The following CELSR1 variants were observed in gnomAD, a reference collection of about 807,000 sequenced individuals.
The protein encoded by CELSR1 is cadherin EGF LAG seven-pass G-type receptor 1, also known as adhesion G protein-coupled receptor C1.
Under a neutral mutation model 249.1 loss-of-function variants are expected in CELSR1, and 110 were observed. The observed-to-expected ratio is 0.44, with a 90% CI of 0.38 to 0.52. CELSR1 has a LOEUF of 0.52. CELSR1 is among the 20% of genes least tolerant of loss of function. The pLI is 0.00. For synonymous variants in CELSR1, 2,113 were observed against 1,900.0 expected, an observed-to-expected ratio of 1.11 and a Z score of -2.92; for missense variants, 4,109 against 4,296.4, an observed-to-expected ratio of 0.96 and a Z score of 1.22.
At chr22:46,483,743 C>T (rs1443607990) in intron 1 of CELSR1, among the ~76,000 whole-genome samples, 1 of 152,088 alleles carries the variant, frequency 6.6e-6, no homozygotes, top group Non-Finnish European at 1.5e-5. Context: ...GGAACTGTGC[C>T]CAGGACACAC....
At chr22:46,385,877 C>T (rs1451078437) in intron 19 of CELSR1, among the ~76,000 whole-genome samples, 1 of 151,758 alleles carries the variant, frequency 6.6e-6, no homozygotes, top group Non-Finnish European at 1.5e-5. Flanking sequence ...CGGGGTTTCA[C>T]CATGTTAGCC....
At chr22:46,504,772 C>T (rs1004452315) in intron 1 of CELSR1, among the ~76,000 whole-genome samples, 8 of 152,130 alleles carry the variant, frequency 5.3e-5, no homozygotes, top group African/African-American at 1.2e-4. Context: ...GCAAATCCTC[C>T]GCACCAGTAA....
Position 46,391,582 on chromosome 22 carries a change from G to A in CELSR1, c.6148+51C>T, listed in dbSNP as rs761905398. The A allele has an allele frequency of 1.3e-6, 2 of 1,509,956 alleles. No individual in the cohort carries two copies. The highest frequency in any genetic ancestry group is 1.4e-5 in the African/African-American group (1 of 72,358). The allele number at this position is 1,509,956 out of a possible 1,614,324, so 93.5% of individuals were successfully genotyped here. A position where few individuals can be genotyped will look rare whatever the true frequency, so the allele number is the denominator to read the frequency against. On this transcript the variant is annotated intron_variant, in intron 15 of 34. Coordinates refer to ENST00000674500, the MANE Select transcript of CELSR1 (RefSeq NM_001378328.1). This position sits in a 1 kb window ranked among gnomAD's most constrained non-coding sequence, Gnocchi z 4.3. ...ATGCACACACGTGCACGCCAGTGCA[G>A]CAGCCTGTCCCCGCGCTGTAACCTG...
intron 1 of CELSR1, among the ~76,000 whole-genome samples, chr22:46,477,528 T>TTTTTTTG (rs2080222076): frequency 6.7e-6 from 1 of 150,006 alleles, no homozygotes; most frequent in Non-Finnish European, 1.5e-5. Flanking sequence ...TTTTTTTTTT[T>TTTTTTTG]GAGACGGAGT....
At position 46,364,743 on chromosome 22, in the gene CELSR1, C is replaced by T. The variant is rs775700319; in HGVS notation, c.8555-7G>A. The T allele has an allele frequency of 1.2e-6, 2 of 1,609,970 alleles. No individual in the cohort carries two copies. The highest frequency in any genetic ancestry group is 2.2e-5 in the East Asian group (1 of 44,862). On this transcript the variant is annotated splice_polypyrimidine_tract_variant and splice_region_variant and intron_variant, in intron 32 of 34. Coordinates refer to ENST00000674500, the MANE Select transcript of CELSR1 (RefSeq NM_001378328.1). The stretch of plus-strand genomic sequence containing the variant: ...TGGTTGGCCACAGCGTCCCCTGAGG[C>T]ACGAGAGCGGTGCTCAGCAGGCAGC...
chr22:46,487,011 G>A (rs1034417610), intron 1 of CELSR1, among the ~76,000 whole-genome samples: 21 of 145,474 alleles, frequency 1.4e-4, no homozygotes, highest in Admixed American at 9.1e-4. Flanking sequence ...GTCTGCTCCC[G>A]CCCCCTGCCC....
At chr22:46,416,108 G>GGGGGGGTGC (rs1215685608) in intron 5 of CELSR1, among the ~76,000 whole-genome samples, 1 of 127,570 alleles carries the variant, frequency 7.8e-6, no homozygotes, top group Non-Finnish European at 1.8e-5. Context: ...GTTGCAGAGG[G>GGGGGGGTGC]GGGCGGATAA....
In CELSR1 at chr22:46,534,334, G is replaced by A. The variant is rs373524629; in HGVS notation, c.2837C>T (p.Thr946Met). ...DGDGDFYIEP[T>M]SGVIRTQRRL... Reference sequence around the variant, plus strand: ...GCGCTGGGTGCGAATCACACCGGACGTGGGCTCGATGTAGAAGTCCCCATC... The same window carrying A: ...GCGCTGGGTGCGAATCACACCGGACATGGGCTCGATGTAGAAGTCCCCATC... The change falls in exon 1 of 35, where the codon ACG (threonine) becomes ATG (methionine). Residue 946 changes from threonine (T) to methionine (M), a missense_variant. Coordinates refer to ENST00000674500, the MANE Select transcript of CELSR1 (RefSeq NM_001378328.1). This position sits in a 1 kb window ranked among gnomAD's most constrained non-coding sequence, Gnocchi z 9.7. 1.1e-4 allele frequency: 180 copies of A among 1,612,888 alleles called. No individual in the cohort carries two copies. The highest frequency in any genetic ancestry group is 1.7e-4 in the African/African-American group (13 of 74,926).
rs190322662 is a variant in CELSR1, at chr22:46,401,004, A to G, written c.5227-1102T>C. On this transcript the variant is annotated intron_variant, in intron 9 of 34. Coordinates refer to ENST00000674500, the MANE Select transcript of CELSR1 (RefSeq NM_001378328.1). This position sits in a 1 kb window ranked among gnomAD's most constrained non-coding sequence, Gnocchi z 4.7. Reference sequence around the variant, plus strand: ...GTTCTTTGTTGCTGTTGCCTTTAACACTGATCAGAATTGCTTGTCTTATTC... The same window carrying G: ...GTTCTTTGTTGCTGTTGCCTTTAACGCTGATCAGAATTGCTTGTCTTATTC... Among the ~76,000 whole-genome samples the G allele has an allele frequency of 3.3e-4, 50 of 152,232 alleles. No homozygotes were observed. In the East Asian group the frequency reaches 8.3e-3, roughly 25 times the overall value.
rs751965651 is a variant in CELSR1, at chr22:46,534,095, G to A, written c.3076C>T (p.Pro1026Ser). The A allele has an allele frequency of 4.3e-6, 7 of 1,613,594 alleles. No individual in the cohort carries two copies. The highest frequency in any genetic ancestry group is 5.9e-6 in the Non-Finnish European group (7 of 1,180,038). Residue 1026 changes from proline to serine, a missense_variant, in exon 1 of 35, where the codon CCT becomes TCT. Pro to Ser is a moderately conservative substitution (Grantham distance 74, BLOSUM62 -1). Coordinates refer to ENST00000674500, the MANE Select transcript of CELSR1 (RefSeq NM_001378328.1). The surrounding 1 kb of genome is among the most constrained non-coding windows in gnomAD (Gnocchi z 9.7). ...SVVAKIRAND[P>S]DEGPNAQIMY... ...ATCTGGGCATTAGGGCCTTCATCAG[G>A]GTCGTTAGCACGAATCTTTGCCACC... is the stretch of plus-strand genomic sequence containing the variant.
At position 46,533,709 on chromosome 22, in the gene CELSR1, G is replaced by A. The variant is rs1602250790; in HGVS notation, c.3462C>T (p.Asp1154=). The A allele has an allele frequency of 1.2e-6, 2 of 1,612,540 alleles. No homozygotes were observed. The highest frequency in any genetic ancestry group is 2.2e-5 in the East Asian group (1 of 44,880). ...QGNELRLLLL[D]PATGELQLSR... Reference sequence around the variant, plus strand: ...TGAGCTGCAGTTCGCCCGTGGCGGGGTCCAGCAGCAACAGGCGCAGCTCGT... The same window carrying A: ...TGAGCTGCAGTTCGCCCGTGGCGGGATCCAGCAGCAACAGGCGCAGCTCGT... The change falls in exon 1 of 35, where the codon GAC becomes GAT. Residue 1154 remains aspartate (D), a synonymous_variant. Coordinates refer to ENST00000674500, the MANE Select transcript of CELSR1 (RefSeq NM_001378328.1).
rs566107999 is a variant in CELSR1, at chr22:46,463,311, A to C, written c.4183+396T>G. The stretch of plus-strand genomic sequence containing the variant: ...CGGGTGGATCACTTGAAGTCAGGAG[A>C]TCAAGACCAGCCTGACCAACATGGC... On this transcript the variant is annotated intron_variant, in intron 2 of 34. Coordinates refer to ENST00000674500, the MANE Select transcript of CELSR1 (RefSeq NM_001378328.1). Among the ~76,000 whole-genome samples, 9 of 152,124 alleles carry C rather than the reference A, an allele frequency of 5.9e-5. No individual in the cohort carries two copies. In the East Asian group the frequency reaches 1.7e-3, roughly 30 times the overall value.
intron 22 of CELSR1, among the ~76,000 whole-genome samples, chr22:46,379,095 G>A (rs1318085562): frequency 1.3e-5 from 2 of 152,214 alleles, no homozygotes; most frequent in African/African-American, 2.4e-5. Flanking sequence ...CCGCCCCGCT[G>A]CTGGAACCAC....
chr22:46,478,099 TC>T (rs1272605317), intron 1 of CELSR1, among the ~76,000 whole-genome samples: 1 of 152,134 alleles, frequency 6.6e-6, no homozygotes, highest in Non-Finnish European at 1.5e-5. Flanking sequence ...CTGGACCCCT[TC>T]CGGCCTGAGA....
rs911150218 is a variant in CELSR1, at chr22:46,398,328, G to A, written c.5526+196C>T. Among the ~76,000 whole-genome samples, 12 of 152,166 alleles carry A rather than the reference G, an allele frequency of 7.9e-5. No individual in the cohort carries two copies. Among genetic ancestry groups the A allele is most frequent in the Admixed American group, 3.3e-4 (5 of 15,284 alleles). ...GAGCTGTGGGGGCCAGGGACGGCCCGGATGCCAAGGGGAACCGCAGGGGAG... is the reference window on the plus strand; with the variant it reads ...GAGCTGTGGGGGCCAGGGACGGCCCAGATGCCAAGGGGAACCGCAGGGGAG... On this transcript the variant is annotated intron_variant, in intron 11 of 34. Transcript: ENST00000674500. This position sits in a 1 kb window ranked among gnomAD's most constrained non-coding sequence, Gnocchi z 7.2.
chr22:46,371,721 A>C (rs1457667480), intron 25 of CELSR1, among the ~76,000 whole-genome samples: 2 of 142,470 alleles, frequency 1.4e-5, no homozygotes, highest in African/African-American at 5.4e-5. Flanking sequence ...CCATCTACCC[A>C]CCCATCCATC....
In CELSR1 at chr22:46,410,885, C is replaced by G. The variant is rs372624547; in HGVS notation, c.4770-324G>C. Reference sequence around the variant, plus strand: ...CAGGTCAAGGCCAGCAGGGACTATACTTTACCCTTGCCTCTGAGACCTTCT... The same window carrying G: ...CAGGTCAAGGCCAGCAGGGACTATAGTTTACCCTTGCCTCTGAGACCTTCT... On this transcript the variant is annotated intron_variant, in intron 6 of 34. Transcript: ENST00000674500. The surrounding 1 kb of genome is among the most constrained non-coding windows in gnomAD (Gnocchi z 6.8). Among the ~76,000 whole-genome samples, 1 of 151,728 alleles carries G rather than the reference C, an allele frequency of 6.6e-6. No individual in the cohort carries two copies. Among genetic ancestry groups the G allele is most frequent in the Admixed American group, 6.6e-5 (1 of 15,210 alleles).
intron 26 of CELSR1, among the ~76,000 whole-genome samples, 194 bp from the exon 27 acceptor site, chr22:46,369,452 C>A (rs2078826287): frequency 6.6e-6 from 1 of 152,216 alleles, no homozygotes; most frequent in Non-Finnish European, 1.5e-5. Flanking sequence ...CCTGCCTGTG[C>A]GGGACCCTCC....
At chr22:46,442,862 C>T (rs1810479) in intron 2 of CELSR1, among the ~76,000 whole-genome samples, 63,498 of 151,626 alleles carry the variant, frequency 0.42, 13,813 homozygotes, top group African/African-American at 0.54. Flanking sequence ...GAGGCCAAGG[C>T]GGGAGGATCA....
Sources: gnomAD v4.1 joint callset for allele counts (sites outside exome capture counted in the v4.1 genomes callset) on GRCh38, gnomAD v4.1.1 for gene constraint, Gnocchi (gnomAD v3.1) non-coding constraint, MANE v1.5 for transcripts, NCBI Gene and HGNC (gene_info 2026-07-23, HGNC 2026-07-21) for gene names.